Variants in TRMT9B observed in about 807,000 individuals in gnomAD.
The protein encoded by TRMT9B is probable tRNA methyltransferase 9B.
Under a neutral mutation model 11.5 loss-of-function variants are expected in TRMT9B, and 16 were observed. The observed-to-expected ratio is 1.39, with a 90% CI of 0.94 to 2.11. TRMT9B has a LOEUF of 2.11. TRMT9B is among the 30% of genes most tolerant of loss of function. The pLI is 0.00. For synonymous variants in TRMT9B, 274 were observed against 192.4 expected, an observed-to-expected ratio of 1.42 and a Z score of -3.51; for missense variants, 941 against 553.8, an observed-to-expected ratio of 1.70 and a Z score of -7.02.
At chr8:12,979,708 C>G (rs1379581773) in intron 1 of TRMT9B, among the ~76,000 whole-genome samples, 1 of 152,116 alleles carries the variant, frequency 6.6e-6, no homozygotes, top group Non-Finnish European at 1.5e-5. Flanking sequence ...CCATTCTGGA[C>G]TTAATGATGT....
At chr8:12,969,525 AT>A (rs907409300) in intron 1 of TRMT9B, among the ~76,000 whole-genome samples, 12 of 152,178 alleles carry the variant, frequency 7.9e-5, no homozygotes, top group South Asian at 4.1e-4. Flanking sequence ...TTCTCCCATT[AT>A]TTTAAATCAT....
chr8:13,011,227 C>A, intron 3 of TRMT9B: 1 of 815,342 alleles, frequency 1.2e-6, no homozygotes. Context: ...CTCAAGTGAT[C>A]CGCCCACCAC....
At chr8:12,975,377 A>G (rs894258368) in intron 1 of TRMT9B, among the ~76,000 whole-genome samples, 9 of 152,150 alleles carry the variant, frequency 5.9e-5, no homozygotes, top group African/African-American at 2.2e-4. Context: ...CCAGAATAAA[A>G]TTTAGAACTT....
intron 1 of TRMT9B, among the ~76,000 whole-genome samples, chr8:12,981,057 T>C (rs1157515908): frequency 1.3e-5 from 2 of 152,086 alleles, no homozygotes; most frequent in Non-Finnish European, 1.5e-5. Flanking sequence ...GGATTCCTTT[T>C]CTGGTGGTTT....
At chr8:12,997,724 A>C (rs774394220) in intron 2 of TRMT9B, among the ~76,000 whole-genome samples, 2 of 152,180 alleles carry the variant, frequency 1.3e-5, no homozygotes, top group Non-Finnish European at 2.9e-5. Flanking sequence ...CTTTTGGTGA[A>C]TATGGGTGTC....
intron 3 of TRMT9B, chr8:13,012,094 G>C (rs529846439): frequency 1.0e-6 from 1 of 985,260 alleles, no homozygotes; most frequent in Non-Finnish European, 1.2e-6. Flanking sequence ...ACCAGCTAAC[G>C]TGCCTTGGTT....
intron 3 of TRMT9B, chr8:13,010,594 G>T (rs1017214579): frequency 5.1e-6 from 5 of 985,196 alleles, no homozygotes; most frequent in African/African-American, 1.7e-5. Context: ...GGCACTGGAA[G>T]CATGTCAGGA....
chr8:13,004,287 C>G (rs1241332083), intron 2 of TRMT9B, among the ~76,000 whole-genome samples: 1 of 151,800 alleles, frequency 6.6e-6, no homozygotes, highest in South Asian at 2.1e-4. Context: ...CCTCAGAGCC[C>G]GTGGACCAGG....
chr8:12,978,066 G>T (rs1585173495), intron 1 of TRMT9B, among the ~76,000 whole-genome samples: 1 of 152,110 alleles, frequency 6.6e-6, no homozygotes, highest in East Asian at 1.9e-4. Flanking sequence ...TCTTAATTAG[G>T]GAAAAGGAGT....
Position 13,028,425 on chromosome 8 carries a change from T to C in TRMT9B, c.*6381T>C, listed in dbSNP as rs1363766144. The C allele has an allele frequency of 6.0e-6, 1 of 167,072 alleles. No individual in the cohort carries two copies. The highest frequency in any genetic ancestry group is 1.9e-4 in the East Asian group (1 of 5,196). The allele number at this position is 167,072 out of a possible 1,614,324, so 10.3% of individuals were successfully genotyped here. A position where few individuals can be genotyped will look rare whatever the true frequency, so the allele number is the denominator to read the frequency against. ...TCCACATGGAATATTGATTTTTCTA[T>C]GAATATTACCTCCACATTGAAAAAC... On this transcript the variant is annotated 3_prime_UTR_variant, in exon 5 of 5. Transcript: ENST00000524591.
At position 13,021,199 on chromosome 8, in the gene TRMT9B, C is replaced by G; in HGVS notation, c.520C>G (p.Gln174Glu). 3 of 1,613,742 alleles carry G rather than the reference C, an allele frequency of 1.9e-6. No homozygotes were observed. The highest frequency in any genetic ancestry group is 2.5e-6 in the Non-Finnish European group (3 of 1,179,756). Reference sequence around the variant, plus strand: ...TTCCCAGCTCTTCTCAGAGTCCAGCCAGTCTGGGAGGAAGAGGCAGTGTGG... The same window carrying G: ...TTCCCAGCTCTTCTCAGAGTCCAGCGAGTCTGGGAGGAAGAGGCAGTGTGG... ...LCSQLFSESS[Q>E]SGRKRQCGYP... The change falls in exon 5 of 5, where the codon CAG (glutamine) becomes GAG (glutamate). Residue 174 changes from glutamine (Q) to glutamate (E), a missense_variant. Coordinates refer to ENST00000524591, the MANE Select transcript of TRMT9B (RefSeq NM_020844.3).
intron 4 of TRMT9B, 65 bp downstream of exon 4, chr8:13,012,922 C>G (rs1811927200): frequency 1.9e-6 from 3 of 1,563,768 alleles, no homozygotes; most frequent in South Asian, 2.4e-5. Flanking sequence ...TTAGTCCGTT[C>G]TCATGACTCA....
chr8:13,006,536 A>G, intron 3 of TRMT9B, 180 bp downstream of exon 3: 1 of 1,433,274 alleles, frequency 7.0e-7, no homozygotes, highest in Non-Finnish European at 9.1e-7. Flanking sequence ...TTTCACATTG[A>G]TTTTTCATTT....
At chr8:13,011,318 C>T in intron 3 of TRMT9B, 1 of 985,332 alleles carries the variant, frequency 1.0e-6, no homozygotes, top group Non-Finnish European at 1.2e-6. Context: ...ATATTCTCCA[C>T]TGTCTCAGCT....
At chr8:12,963,325 C>G (rs1054913423) in intron 1 of TRMT9B, among the ~76,000 whole-genome samples, 1 of 152,082 alleles carries the variant, frequency 6.6e-6, no homozygotes, top group African/African-American at 2.4e-5. Context: ...CCCCGCTACT[C>G]AGGAGGCTGA....
intron 1 of TRMT9B, among the ~76,000 whole-genome samples, chr8:12,989,325 T>C (rs576695367): frequency 6.6e-6 from 1 of 152,346 alleles, no homozygotes; most frequent in Admixed American, 6.5e-5. Context: ...TACGACCCCA[T>C]TCTATCTTTG....
At chr8:13,017,928 A>AT (rs1563444847) in intron 4 of TRMT9B, among the ~76,000 whole-genome samples, 1 of 151,464 alleles carries the variant, frequency 6.6e-6, no homozygotes, top group East Asian at 1.9e-4. Flanking sequence ...GTGGCCAGCT[A>AT]TTTTTTTCTT....
intron 1 of TRMT9B, among the ~76,000 whole-genome samples, chr8:12,987,668 G>T (rs1023839840): frequency 3.5e-5 from 5 of 144,074 alleles, no homozygotes; most frequent in Non-Finnish European, 7.6e-5. Context: ...CTCCAGCCTG[G>T]GCAACAGAAT....
At chr8:13,020,730 C>A (rs1411287198) in intron 4 of TRMT9B, among the ~76,000 whole-genome samples, 2 of 152,190 alleles carry the variant, frequency 1.3e-5, no homozygotes, top group Non-Finnish European at 2.9e-5. Flanking sequence ...GGACTCTAGA[C>A]TTCTTCTTAT....
Sources: gnomAD v4.1 joint callset for allele counts (sites outside exome capture counted in the v4.1 genomes callset) on GRCh38, gnomAD v4.1.1 for gene constraint, MANE v1.5 for transcripts, NCBI Gene and HGNC (gene_info 2026-07-23, HGNC 2026-07-21) for gene names.